Variants in TEKT1 observed in about 807,000 individuals in gnomAD.
TEKT1 encodes tektin 1.
Under a neutral mutation model 34.8 loss-of-function variants are expected in TEKT1, and 32 were observed. The observed-to-expected ratio is 0.92, with a 90% CI of 0.69 to 1.23. The LOEUF is 1.23. Ranked by LOEUF, TEKT1 falls within the 50% of genes most tolerant of loss-of-function variation. The probability of loss-of-function intolerance (pLI) is 0.00; values close to 1 mark genes in which losing one functional copy is unlikely to be tolerated. For missense variants in TEKT1, 492 were observed against 518.5 expected, an observed-to-expected ratio of 0.95 and a Z score of 0.50; for synonymous variants, 207 against 199.8, an observed-to-expected ratio of 1.04 and a Z score of -0.30.
rs1904577637 is a variant in TEKT1, at chr17:6,831,670, T to A, written c.-39A>T. 1 of 152,176 alleles carries A rather than the reference T, an allele frequency of 6.6e-6. No individual in the cohort carries two copies. Among genetic ancestry groups the A allele is most frequent in the Non-Finnish European group, 1.5e-5 (1 of 68,076 alleles). 9.4% of individuals were successfully genotyped at this position (152,176 alleles called of 1,614,324 possible). A position where few individuals can be genotyped will look rare whatever the true frequency, so the allele number is the denominator to read the frequency against. On this transcript the variant is annotated 5_prime_UTR_variant, in exon 1 of 8. Coordinates refer to ENST00000338694, the MANE Select transcript of TEKT1 (RefSeq NM_053285.2). The stretch of plus-strand genomic sequence containing the variant: ...TTACCTCAGCGCCACACAGAACCAC[T>A]ACGCAAGCTCGGGATGGGAGCCTCC...
At chr17:6,816,974 G>A (rs148149512) in intron 3 of TEKT1, among the ~76,000 whole-genome samples, 103 of 152,206 alleles carry the variant, frequency 6.8e-4, no homozygotes, top group African/African-American at 2.5e-3. Flanking sequence ...GCAGCCAGAT[G>A]GACTTTTTTT....
chr17:6,800,139 G>A lies in TEKT1; in HGVS notation c.1145C>T (p.Thr382Ile). The A allele has an allele frequency of 6.2e-7, 1 of 1,614,180 alleles. No individual in the cohort carries two copies. The highest frequency in any genetic ancestry group is 8.5e-7 in the Non-Finnish European group (1 of 1,180,044). ...LQEEIQVKENTIYIDEVLCMQ... is the reference protein window; with the variant it reads ...LQEEIQVKENIIYIDEVLCMQ... ...ACACAGCACTTCGTCGATATAAATG[G>A]TGTTCTCTTTGACCTGGATCTCCTC... The change falls in exon 8 of 8, where the codon ACC becomes ATC. Residue 382 changes from threonine to isoleucine, a missense_variant. Transcript: ENST00000338694.
intron 2 of TEKT1, among the ~76,000 whole-genome samples, chr17:6,826,781 C>T (rs771557681): frequency 9.9e-5 from 15 of 151,612 alleles, no homozygotes; most frequent in South Asian, 2.1e-4. Flanking sequence ...CTGCAAGTTC[C>T]GCCTCCTGAG....
chr17:6,819,437 T>C, intron 2 of TEKT1, 79 bp from the exon 3 acceptor site: 3 of 1,432,286 alleles, frequency 2.1e-6, no homozygotes, highest in Non-Finnish European at 2.8e-6. Context: ...TTGAAGACTG[T>C]TGTAAAACCA....
At chr17:6,815,450 A>G (rs2151587099) in intron 4 of TEKT1, 144 bp from the exon 5 acceptor site, 1 of 935,594 alleles carries the variant, frequency 1.1e-6, no homozygotes, top group East Asian at 2.4e-5. Flanking sequence ...CCCAACACTC[A>G]TGCGTATACC....
intron 6 of TEKT1, among the ~76,000 whole-genome samples, chr17:6,804,057 G>T (rs1248512864): frequency 6.6e-6 from 1 of 152,106 alleles, no homozygotes; most frequent in Non-Finnish European, 1.5e-5. Flanking sequence ...GGGCAGTATG[G>T]CCATTTTCAT....
intron 7 of TEKT1, 40 bp downstream of exon 7, chr17:6,800,707 T>C: frequency 6.3e-7 from 1 of 1,578,404 alleles, no homozygotes. Flanking sequence ...AGGTTGGGAT[T>C]GAGACCCGAA....
chr17:6,817,863 G>A (rs12103615), intron 3 of TEKT1, among the ~76,000 whole-genome samples: 19,478 of 152,246 alleles, frequency 0.13, 1,452 homozygotes, highest in Middle Eastern at 0.22. Context: ...TACATGCTCA[G>A]TAAACTTAGC....
intron 6 of TEKT1, among the ~76,000 whole-genome samples, chr17:6,808,941 C>A (rs1305396826): frequency 2.0e-5 from 3 of 152,110 alleles, no homozygotes. Context: ...TAAACTAAAT[C>A]CAGTCTGCAA....
chr17:6,824,439 A>G (rs868362048), intron 2 of TEKT1, among the ~76,000 whole-genome samples: 4 of 152,130 alleles, frequency 2.6e-5, no homozygotes, highest in Non-Finnish European at 2.9e-5. Flanking sequence ...TACTCTACAC[A>G]TTAACTTGGA....
chr17:6,809,352 C>T (rs1358484590), intron 6 of TEKT1, among the ~76,000 whole-genome samples: 2 of 152,150 alleles, frequency 1.3e-5, no homozygotes, highest in African/African-American at 4.8e-5. Flanking sequence ...CTGCCTCAGC[C>T]TCCCAAATAG....
rs1332320617 is a variant in TEKT1 at position 6,799,881 on chromosome 17, A to T, written c.*146T>A. 2.9e-6 allele frequency: 2 copies of T among 697,300 alleles called. No individual in the cohort carries two copies. The highest frequency in any genetic ancestry group is 3.6e-5 in the African/African-American group (2 of 55,744). The allele number at this position is 697,300 out of a possible 1,614,324, so 43.2% of individuals were successfully genotyped here. On this transcript the variant is annotated 3_prime_UTR_variant, in exon 8 of 8. Transcript: ENST00000338694. ...GCATAAGAGAAGAAACTCGCCCCAAAATCAGCCCCCTGAGCAGGCTTGGAA... is the reference window on the plus strand; with the variant it reads ...GCATAAGAGAAGAAACTCGCCCCAATATCAGCCCCCTGAGCAGGCTTGGAA...
rs1030767813 is a variant in TEKT1, at chr17:6,800,082, T to A, written c.1202A>T (p.Asp401Val). The A allele has an allele frequency of 3.7e-6, 6 of 1,613,334 alleles. No individual in the cohort carries two copies. The highest frequency in any genetic ancestry group is 5.1e-6 in the Non-Finnish European group (6 of 1,180,010). Residue 401 changes from aspartate to valine, a missense_variant, in exon 8 of 8, where the codon GAT becomes GTT. Coordinates refer to ENST00000338694, the MANE Select transcript of TEKT1 (RefSeq NM_053285.2). ...MQMRKSIPLRDGEDHGVWAGG... is the reference protein window; with the variant it reads ...MQMRKSIPLRVGEDHGVWAGG... ...AGCCCAGACCCCATGGTCTTCCCCA[T>A]CCCGAAGTGGGATGGATTTCCTCAT...
At chr17:6,805,610 A>G (rs1179566026) in intron 6 of TEKT1, among the ~76,000 whole-genome samples, 1 of 152,206 alleles carries the variant, frequency 6.6e-6, no homozygotes, top group Non-Finnish European at 1.5e-5. Flanking sequence ...ATTTAGTGCT[A>G]TAAAATTCCC....
chr17:6,825,314 C>T (rs1904362719), intron 2 of TEKT1, among the ~76,000 whole-genome samples: 1 of 152,142 alleles, frequency 6.6e-6, no homozygotes, highest in Non-Finnish European at 1.5e-5. Context: ...TGTGCCCTCT[C>T]CTCCAATCTG....
chr17:6,815,366 C>T, intron 4 of TEKT1, 60 bp from the exon 5 acceptor site: 1 of 1,606,422 alleles, frequency 6.2e-7, no homozygotes. Context: ...CACCCACGTC[C>T]TCAGAGAGGT....
Position 6,809,428 on chromosome 17 carries a change from C to T in TEKT1, c.852+3403G>A, listed in dbSNP as rs565246214. ...TGTATTTTTAGTAGAGACAGGGTTT[C>T]GCTGTGTTGGCCAAGCTGGTCTTGA... On this transcript the variant is annotated intron_variant, in intron 6 of 7. Coordinates refer to ENST00000338694, the MANE Select transcript of TEKT1 (RefSeq NM_053285.2). Among the ~76,000 whole-genome samples, 15 of 152,210 alleles carry T rather than the reference C, an allele frequency of 9.9e-5. 1 individual carries two copies. The highest frequency in any genetic ancestry group is 6.2e-4 in the South Asian group (3 of 4,814).
chr17:6,807,781 C>T (rs919578651), intron 6 of TEKT1, among the ~76,000 whole-genome samples: 11 of 152,140 alleles, frequency 7.2e-5, no homozygotes, highest in African/African-American at 2.4e-4. Context: ...TGCAGAACAG[C>T]GGATATTGGT....
At chr17:6,804,508 GT>G (rs2151582140) in intron 6 of TEKT1, among the ~76,000 whole-genome samples, 1 of 152,290 alleles carries the variant, frequency 6.6e-6, no homozygotes, top group East Asian at 1.9e-4. Context: ...TTGAATAGGA[GT>G]GGTGAGAGAG....
Sources: allele counts gnomAD v4.1 joint callset (sites outside exome capture counted in the v4.1 genomes callset), GRCh38; gene constraint gnomAD v4.1.1; transcripts MANE v1.5; gene names NCBI Gene and HGNC (gene_info 2026-07-23, HGNC 2026-07-21).